The following MED15 variants were observed in gnomAD, a reference collection of about 807,000 sequenced individuals.
MED15 encodes the protein mediator complex subunit 15.
MED15 carries 41 observed loss-of-function variants against 118.7 expected under a neutral mutation model. That is an observed-to-expected ratio of 0.35 (90% CI 0.27 to 0.45). The LOEUF is 0.45. MED15 is among the 20% of genes least tolerant of loss of function. The probability of loss-of-function intolerance (pLI) is 1.00; values close to 1 mark genes in which losing one functional copy is unlikely to be tolerated. For missense variants in MED15, 740 were observed against 1,025.5 expected, an observed-to-expected ratio of 0.72 and a Z score of 3.80; for synonymous variants, 436 against 413.9, an observed-to-expected ratio of 1.05 and a Z score of -0.65.
intron 5 of MED15, among the ~76,000 whole-genome samples, chr22:20,561,024 G>A (rs1256542664): frequency 6.6e-6 from 1 of 152,098 alleles, no homozygotes; most frequent in Non-Finnish European, 1.5e-5. Context: ...GTAAATTTGG[G>A]AAATGCTAAA....
intron 6 of MED15, among the ~76,000 whole-genome samples, chr22:20,566,055 CT>C (rs993957604): frequency 1.2e-4 from 12 of 100,294 alleles, no homozygotes; most frequent in African/African-American, 4.4e-4. Context: ...TTTTTTGAGA[CT>C]TTTTTTTGCC....
At chr22:20,507,950 G>C in intron 1 of MED15, 1 of 1,440,312 alleles carries the variant, frequency 6.9e-7, no homozygotes, top group Non-Finnish European at 9.1e-7. Flanking sequence ...CTGGGGCCGA[G>C]CTCTGCAAAC....
At chr22:20,586,044 C>T (rs116623013) in intron 17 of MED15, among the ~76,000 whole-genome samples, 1,732 of 152,312 alleles carry the variant, frequency 0.011, 41 homozygotes, top group African/African-American at 0.04. Context: ...TGTGTCCCTT[C>T]GCCCCTTCAA....
At chr22:20,546,852 G>A (rs2055563518) in intron 2 of MED15, among the ~76,000 whole-genome samples, 1 of 152,130 alleles carries the variant, frequency 6.6e-6, no homozygotes, top group Non-Finnish European at 1.5e-5. Flanking sequence ...CCTCTAGGGA[G>A]TGAACCCTGG....
intron 1 of MED15, among the ~76,000 whole-genome samples, chr22:20,529,006 C>G (rs960124701): frequency 2.0e-5 from 3 of 152,254 alleles, no homozygotes; most frequent in East Asian, 3.9e-4. Context: ...TGGCAAAGAC[C>G]TAGGGCTGTC....
At chr22:20,554,859 G>A in intron 4 of MED15, 77 bp from the exon 5 acceptor site, 2 of 1,401,856 alleles carry the variant, frequency 1.4e-6, no homozygotes, top group Non-Finnish European at 1.9e-6. Context: ...TCTGTGCTCT[G>A]TGAGCCTTAC....
intron 2 of MED15, among the ~76,000 whole-genome samples, chr22:20,546,514 T>TTG (rs1276120584): frequency 6.7e-6 from 1 of 150,352 alleles, no homozygotes; most frequent in African/African-American, 2.4e-5. Flanking sequence ...TTTTTTTGTT[T>TTG]TTTTTTTTTT....
Position 20,564,619 on chromosome 22 carries a change from G to A in MED15, c.621G>A (p.Gln207=). The change falls in exon 6 of 18, where the codon CAG becomes CAA. Residue 207 remains glutamine (Q), a synonymous_variant. Coordinates refer to ENST00000263205, the MANE Select transcript of MED15 (RefSeq NM_001003891.3). ...QQQFQAVVQQ[Q]QQLQQQQQQQ... ...AGTTCCAAGCAGTAGTGCAGCAGCA[G>A]CAGCAGCTCCAGCAGCAGCAGCAGC... The A allele has an allele frequency of 6.2e-7, 1 of 1,610,510 alleles. No homozygotes were observed. Among genetic ancestry groups the A allele is most frequent in the South Asian group, 1.1e-5 (1 of 90,636 alleles).
At chr22:20,566,394 G>A in intron 6 of MED15, 73 bp from the exon 7 acceptor site, 1 of 1,581,694 alleles carries the variant, frequency 6.3e-7, no homozygotes, top group Non-Finnish European at 8.6e-7. Context: ...CTGAGGCCCA[G>A]ACTGTCACAG....
chr22:20,580,685 T>G (rs5751540), intron 9 of MED15, among the ~76,000 whole-genome samples: 9,199 of 152,204 alleles, frequency 0.06, 655 homozygotes, highest in East Asian at 0.38. Context: ...GGCCTTGGGA[T>G]TTTGTTGACA....
intron 9 of MED15, among the ~76,000 whole-genome samples, chr22:20,576,145 G>C (rs901859425): frequency 6.6e-6 from 1 of 152,216 alleles, no homozygotes; most frequent in African/African-American, 2.4e-5. Context: ...CAGGCACTAT[G>C]CTAAGATTCT....
At chr22:20,524,826 C>T (rs1161051089) in intron 1 of MED15, among the ~76,000 whole-genome samples, 1 of 151,558 alleles carries the variant, frequency 6.6e-6, no homozygotes, top group Non-Finnish European at 1.5e-5. Context: ...TTAGTAGAGA[C>T]GGGATTTCGA....
chr22:20,569,457 T>C (rs1327062303), intron 8 of MED15, among the ~76,000 whole-genome samples: 1 of 152,142 alleles, frequency 6.6e-6, no homozygotes, highest in South Asian at 2.1e-4. Context: ...CAGCTGGCAG[T>C]GCGCCTGCAC....
chr22:20,536,974 T>A, intron 1 of MED15, 143 bp from the exon 2 acceptor site: 2 of 637,774 alleles, frequency 3.1e-6, no homozygotes, highest in Non-Finnish European at 5.4e-6. Context: ...CCCATATGCC[T>A]CTCCTGGACC....
chr22:20,580,269 C>G (rs762767513), intron 9 of MED15, among the ~76,000 whole-genome samples: 1 of 152,118 alleles, frequency 6.6e-6, no homozygotes, highest in Non-Finnish European at 1.5e-5. Context: ...AAGTGGGTGC[C>G]GGGCTTCCTG....
chr22:20,572,203 C>T (rs2056685359), intron 8 of MED15, among the ~76,000 whole-genome samples: 1 of 152,250 alleles, frequency 6.6e-6, no homozygotes, highest in Non-Finnish European at 1.5e-5. Context: ...ATCAGCCACC[C>T]TCTAACCAGG....
intron 1 of MED15, among the ~76,000 whole-genome samples, chr22:20,527,683 C>T (rs571439385): frequency 1.3e-3 from 203 of 152,200 alleles, no homozygotes; most frequent in African/African-American, 4.2e-3. Flanking sequence ...TTCAGCTGGA[C>T]GCAGTGGCTC....
intron 2 of MED15, 120 bp downstream of exon 2, chr22:20,537,324 T>C (rs746820420): frequency 2.6e-6 from 2 of 780,642 alleles, no homozygotes; most frequent in African/African-American, 1.7e-5. Context: ...TGCTCATCGA[T>C]TGATCACAGG....
At chr22:20,523,923 C>T in intron 1 of MED15, 1 of 842,932 alleles carries the variant, frequency 1.2e-6, no homozygotes, top group Middle Eastern at 6.0e-4. Flanking sequence ...AAGAAAGCGT[C>T]ATCAAGCAGC....
Sources: allele counts gnomAD v4.1 joint callset (sites outside exome capture counted in the v4.1 genomes callset), GRCh38; gene constraint gnomAD v4.1.1; transcripts MANE v1.5; gene names NCBI Gene and HGNC (gene_info 2026-07-23, HGNC 2026-07-21).